DDAH2: variants seen among roughly 807,000 people sequenced by gnomAD.
DDAH2 encodes putative hydrolase DDAH2.
In DDAH2, 8 loss-of-function variants were observed where a neutral mutation model predicts 24.8. The observed-to-expected ratio is 0.32, with a 90% confidence interval of 0.19 to 0.58. The LOEUF is 0.58. DDAH2 is among the 20% of genes least tolerant of loss of function. DDAH2 has a pLI of 0.87. For synonymous variants in DDAH2, 151 were observed against 166.1 expected (o/e 0.91, Z 0.70); for missense variants, 281 against 379.0 (o/e 0.74, Z 2.15).
chr6:31,728,160 G>A lies in DDAH2; in HGVS notation c.591+13C>T. The A allele has an allele frequency of 1.2e-6, 2 of 1,610,066 alleles. No individual in the cohort carries two copies. Among genetic ancestry groups the A allele is most frequent in the Non-Finnish European group, 8.5e-7 (1 of 1,179,680 alleles). ...AACTGCGCCCACTTTCGTTGGCCCC[G>A]CCCCCTCCTCACCCGGACAGCCTTT... is the stretch of plus-strand genomic sequence containing the variant. On this transcript the variant is annotated intron_variant, in intron 4 of 5. Coordinates refer to ENST00000375789, the MANE Select transcript of DDAH2 (RefSeq NM_001303007.2). The surrounding 1 kb of genome is among the most constrained non-coding windows in gnomAD (Gnocchi z 9.8).
chr6:31,728,110 C>T lies in DDAH2; in HGVS notation c.591+63G>A, dbSNP rs1369018194. The T allele has an allele frequency of 4.4e-6, 7 of 1,588,560 alleles. No homozygotes were observed. Among genetic ancestry groups the T allele is most frequent in the Non-Finnish European group, 6.0e-6 (7 of 1,171,320 alleles). On this transcript the variant is annotated intron_variant, in intron 4 of 5. Transcript: ENST00000375789. This position sits in a 1 kb window ranked among gnomAD's most constrained non-coding sequence, Gnocchi z 9.8. ...GGTTAGGGCTAATTTCCTAAGCCTC[C>T]CAGCTCCCGGCCTCCCGGGCCCAGA...
At position 31,729,079 on chromosome 6, in the gene DDAH2, C is replaced by A; in HGVS notation, c.83G>T (p.Gly28Val). The change falls in exon 1 of 6, where the codon GGT becomes GTT. Residue 28 changes from glycine (G) to valine (V), a missense_variant. Coordinates refer to ENST00000375789, the MANE Select transcript of DDAH2 (RefSeq NM_001303007.2). The surrounding 1 kb of genome is among the most constrained non-coding windows in gnomAD (Gnocchi z 6.7). Reference protein sequence around the residue: ...GVPESLASGEGAGAGLPALDL... With the variant: ...GVPESLASGEVAGAGLPALDL... ...CAGAGCGGGAAGGCCAGCCCCCGCA[C>A]CTTCCCCCGACGCCAGGCTCTCTGG... 4 of 1,613,040 alleles carry A rather than the reference C, an allele frequency of 2.5e-6. No individual in the cohort carries two copies. The highest frequency in any genetic ancestry group is 3.4e-6 in the Non-Finnish European group (4 of 1,180,004).
chr6:31,728,126 C>G lies in DDAH2; in HGVS notation c.591+47G>C, dbSNP rs560669734. On this transcript the variant is annotated intron_variant, in intron 4 of 5. Coordinates refer to ENST00000375789, the MANE Select transcript of DDAH2 (RefSeq NM_001303007.2). The surrounding 1 kb of genome is among the most constrained non-coding windows in gnomAD (Gnocchi z 9.8). ...CTAAGCCTCCCAGCTCCCGGCCTCC[C>G]GGGCCCAGAACTGCGCCCACTTTCG... 2.5e-6 allele frequency: 4 copies of G among 1,600,252 alleles called. No homozygotes were observed. Among genetic ancestry groups the G allele is most frequent in the Admixed American group, 3.4e-5 (2 of 58,392 alleles).
chr6:31,727,700 A>G lies in DDAH2; in HGVS notation c.592-8T>C, dbSNP rs1337494557. ...TGTCAGCACTGCCATTGCCTAGAGG[A>G]AAGAGGAAGTGTTCGAGTCTCAGAA... On this transcript the variant is annotated splice_polypyrimidine_tract_variant and splice_region_variant and intron_variant, in intron 4 of 5. Coordinates refer to ENST00000375789, the MANE Select transcript of DDAH2 (RefSeq NM_001303007.2). This position sits in a 1 kb window ranked among gnomAD's most constrained non-coding sequence, Gnocchi z 6.0. 3 of 1,585,630 alleles carry G rather than the reference A, an allele frequency of 1.9e-6. No homozygotes were observed. The highest frequency in any genetic ancestry group is 2.6e-6 in the Non-Finnish European group (3 of 1,165,072).
At position 31,729,077 on chromosome 6, in the gene DDAH2, C is replaced by T. The variant is rs1807641267; in HGVS notation, c.85G>A (p.Ala29Thr). The T allele has an allele frequency of 6.2e-7, 1 of 1,613,066 alleles. No homozygotes were observed. The highest frequency in any genetic ancestry group is 2.2e-5 in the East Asian group (1 of 44,878). Residue 29 changes from alanine to threonine, a missense_variant, in exon 1 of 6, where the codon GCG becomes ACG. By Grantham distance (58) the Ala-to-Thr change is moderately conservative (BLOSUM62 0). Transcript: ENST00000375789. The surrounding 1 kb of genome is among the most constrained non-coding windows in gnomAD (Gnocchi z 6.7). ...VPESLASGEG[A>T]GAGLPALDLA... ...TCCAGAGCGGGAAGGCCAGCCCCCGCACCTTCCCCCGACGCCAGGCTCTCT... is the reference window on the plus strand; with the variant it reads ...TCCAGAGCGGGAAGGCCAGCCCCCGTACCTTCCCCCGACGCCAGGCTCTCT...
In DDAH2 at chr6:31,728,085, G is replaced by A. The variant is rs1807519448; in HGVS notation, c.591+88C>T. 2 of 1,499,732 alleles carry A rather than the reference G, an allele frequency of 1.3e-6. No individual in the cohort carries two copies. The highest frequency in any genetic ancestry group is 1.8e-6 in the Non-Finnish European group (2 of 1,102,196). The allele number at this position is 1,499,732 out of a possible 1,614,324, so 92.9% of individuals were successfully genotyped here. ...AGATGGACAGCCCATTGAGGGCAGGGGTTAGGGCTAATTTCCTAAGCCTCC... is the reference window on the plus strand; with the variant it reads ...AGATGGACAGCCCATTGAGGGCAGGAGTTAGGGCTAATTTCCTAAGCCTCC... On this transcript the variant is annotated intron_variant, in intron 4 of 5. Transcript: ENST00000375789. This position sits in a 1 kb window ranked among gnomAD's most constrained non-coding sequence, Gnocchi z 9.8.
chr6:31,728,460 G>A lies in DDAH2; in HGVS notation c.462C>T (p.Asp154=). The change falls in exon 3 of 6, where the codon GAC becomes GAT. Residue 154 remains aspartate (D), a synonymous_variant. Transcript: ENST00000375789. The surrounding 1 kb of genome is among the most constrained non-coding windows in gnomAD (Gnocchi z 9.8). ...TNHRGAEIVA[D]TFRDFAVSTV... Reference sequence around the variant, plus strand: ...TGGTCCCGCTCCGCACCCGGAACGTGTCCGCCACGATCTCAGCTCCTCGGT... The same window carrying A: ...TGGTCCCGCTCCGCACCCGGAACGTATCCGCCACGATCTCAGCTCCTCGGT... 6.2e-7 allele frequency: 1 copy of A among 1,612,730 alleles called. No homozygotes were observed. Among genetic ancestry groups the A allele is most frequent in the Non-Finnish European group, 8.5e-7 (1 of 1,179,958 alleles).
chr6:31,727,490 T>C lies in DDAH2; in HGVS notation c.741+53A>G. ...CTTCCTTCCTCCCACTAGGAAAGCCTGAAACTCTTTTCTCTGATGGTGCTT... is the reference window on the plus strand; with the variant it reads ...CTTCCTTCCTCCCACTAGGAAAGCCCGAAACTCTTTTCTCTGATGGTGCTT... On this transcript the variant is annotated intron_variant, in intron 5 of 5. Transcript: ENST00000375789. This position sits in a 1 kb window ranked among gnomAD's most constrained non-coding sequence, Gnocchi z 6.0. 1 of 1,612,540 alleles carries C rather than the reference T, an allele frequency of 6.2e-7. No homozygotes were observed. Among genetic ancestry groups the C allele is most frequent in the Non-Finnish European group, 8.5e-7 (1 of 1,179,690 alleles).
At position 31,729,044 on chromosome 6, in the gene DDAH2, T is replaced by C; in HGVS notation, c.118A>G (p.Lys40Glu). 6.2e-7 allele frequency: 1 copy of C among 1,613,050 alleles called. No individual in the cohort carries two copies. Among genetic ancestry groups the C allele is most frequent in the East Asian group, 2.2e-5 (1 of 44,872 alleles). The change falls in exon 1 of 6, where the codon AAA (lysine) becomes GAA (glutamate). Residue 40 changes from lysine (K) to glutamate (E), a missense_variant. Lys to Glu is a moderately conservative substitution (Grantham distance 56). Coordinates refer to ENST00000375789, the MANE Select transcript of DDAH2 (RefSeq NM_001303007.2). The surrounding 1 kb of genome is among the most constrained non-coding windows in gnomAD (Gnocchi z 6.7). The stretch of plus-strand genomic sequence containing the variant: ...AGCACCCCGTGCTCCCTTTGAGCTT[T>C]GGCCAGATCCAGAGCGGGAAGGCCA... ...GAGLPALDLA[K>E]AQREHGVLGG...
chr6:31,728,416 A>C lies in DDAH2; in HGVS notation c.471+35T>G. On this transcript the variant is annotated intron_variant, in intron 3 of 5. Coordinates refer to ENST00000375789, the MANE Select transcript of DDAH2 (RefSeq NM_001303007.2). The surrounding 1 kb of genome is among the most constrained non-coding windows in gnomAD (Gnocchi z 9.8). ...CCAGGCCCTTCCGACCCCCACCTGC[A>C]CCCCCTCCCTCCCTAGGCTGGTCCC... The C allele has an allele frequency of 1.2e-6, 2 of 1,603,256 alleles. No homozygotes were observed. Among genetic ancestry groups the C allele is most frequent in the East Asian group, 2.2e-5 (1 of 44,670 alleles).
Position 31,727,208 on chromosome 6 carries a change from C to G in DDAH2, c.*29G>C. ...TTCTACTTCCTATACTATCCTACCC[C>G]TGGCCAGCAGTACCCCAAGGCCAGG... On this transcript the variant is annotated 3_prime_UTR_variant, in exon 6 of 6. Coordinates refer to ENST00000375789, the MANE Select transcript of DDAH2 (RefSeq NM_001303007.2). The surrounding 1 kb of genome is among the most constrained non-coding windows in gnomAD (Gnocchi z 6.0). The G allele has an allele frequency of 6.5e-7, 1 of 1,546,468 alleles. No individual in the cohort carries two copies. The highest frequency in any genetic ancestry group is 8.9e-7 in the Non-Finnish European group (1 of 1,120,162).
chr6:31,728,856 G>C lies in DDAH2; in HGVS notation c.297+9C>G. On this transcript the variant is annotated intron_variant, in intron 1 of 5. Transcript: ENST00000375789. The surrounding 1 kb of genome is among the most constrained non-coding windows in gnomAD (Gnocchi z 9.8). Reference sequence around the variant, plus strand: ...TTTCCCCATACCACACCCGCGCCACGGCGCTCACCTCTGGCCTACGAGCGG... The same window carrying C: ...TTTCCCCATACCACACCCGCGCCACCGCGCTCACCTCTGGCCTACGAGCGG... The C allele has an allele frequency of 6.2e-7, 1 of 1,611,548 alleles. No homozygotes were observed. The highest frequency in any genetic ancestry group is 8.5e-7 in the Non-Finnish European group (1 of 1,179,178).
Position 31,727,824 on chromosome 6 carries a change from A to G in DDAH2, c.592-132T>C, listed in dbSNP as rs2151305836. On this transcript the variant is annotated intron_variant, in intron 4 of 5. Coordinates refer to ENST00000375789, the MANE Select transcript of DDAH2 (RefSeq NM_001303007.2). The surrounding 1 kb of genome is among the most constrained non-coding windows in gnomAD (Gnocchi z 6.0). ...TGACAGCAAGCACATAGAGCTTACG[A>G]TATGTCAGACACTAAGTACTTTAGT... 1 of 1,029,898 alleles carries G rather than the reference A, an allele frequency of 9.7e-7. No individual in the cohort carries two copies. 63.8% of individuals were successfully genotyped at this position (1,029,898 alleles called of 1,614,324 possible).
upstream of DDAH2, chr6:31,729,985 G>C (rs1383913945): frequency 6.6e-6 from 1 of 152,424 alleles, no homozygotes; most frequent in African/African-American, 2.4e-5. The surrounding 1 kb of genome is among the most constrained non-coding windows in gnomAD (Gnocchi z 6.7). Flanking sequence ...GTCTGGTGCA[G>C]GCATGGGCCC....
At position 31,728,991 on chromosome 6, in the gene DDAH2, C is replaced by T. The variant is rs1233093937; in HGVS notation, c.171G>A (p.Gly57=). The T allele has an allele frequency of 6.2e-7, 1 of 1,613,086 alleles. No individual in the cohort carries two copies. Among genetic ancestry groups the T allele is most frequent in the South Asian group, 1.1e-5 (1 of 91,082 alleles). The change falls in exon 1 of 6, where the codon GGG becomes GGA. Residue 57 remains glycine, a synonymous_variant. Transcript: ENST00000375789. The surrounding 1 kb of genome is among the most constrained non-coding windows in gnomAD (Gnocchi z 9.8). ...CAGGTGGCAGTTCTAGCAGCTGTAG[C>T]CCCAGTCGTTGCCTCAGTTTACCTC... is the stretch of plus-strand genomic sequence containing the variant. ...VLGGKLRQRL[G]LQLLELPPEE...
In DDAH2 at chr6:31,727,669, G is replaced by A. The variant is rs188475802; in HGVS notation, c.615C>T (p.His205=). The change falls in exon 5 of 6, where the codon CAC becomes CAT. Residue 205 remains histidine (H), a synonymous_variant. Transcript: ENST00000375789. The surrounding 1 kb of genome is among the most constrained non-coding windows in gnomAD (Gnocchi z 6.0). ...AVRAMAVLTD[H]PYASLTLPDD... Reference sequence around the variant, plus strand: ...CTGGGAGGGTCAGGGAGGCATATGGGTGATCTGTCAGCACTGCCATTGCCT... The same window carrying A: ...CTGGGAGGGTCAGGGAGGCATATGGATGATCTGTCAGCACTGCCATTGCCT... 5.4e-5 allele frequency: 87 copies of A among 1,609,950 alleles called. 1 individual carries two copies. In the Admixed American group the frequency reaches 8.7e-4, roughly 16 times the overall value.
chr6:31,728,785 C>CA lies in DDAH2; in HGVS notation c.298-41dup. 1.2e-6 allele frequency: 2 copies of CA among 1,611,578 alleles called. No homozygotes were observed. The highest frequency in any genetic ancestry group is 1.7e-6 in the Non-Finnish European group (2 of 1,179,194). On this transcript the variant is annotated intron_variant, in intron 1 of 5. Coordinates refer to ENST00000375789, the MANE Select transcript of DDAH2 (RefSeq NM_001303007.2). The surrounding 1 kb of genome is among the most constrained non-coding windows in gnomAD (Gnocchi z 9.8). ...AGAGGGCACGGAGCTGTGACACCCC[C>CA]ATCCTCAATTCTTCCCCAAAGCCCC...
rs1807506631 is a variant in DDAH2, at chr6:31,727,930, AC to A, written c.592-239del. Among the ~76,000 whole-genome samples the A allele has an allele frequency of 6.6e-6, 1 of 151,948 alleles. No individual in the cohort carries two copies. The highest frequency in any genetic ancestry group is 1.9e-4 in the East Asian group (1 of 5,180). ...TTCCCCAGCCCCTCCTATCTGTCCT[AC>A]CCATCCTTAGAGTCACAGTTTAGGT... On this transcript the variant is annotated intron_variant, in intron 4 of 5. Transcript: ENST00000375789. This position sits in a 1 kb window ranked among gnomAD's most constrained non-coding sequence, Gnocchi z 6.0.
upstream of DDAH2, chr6:31,729,532 T>A (rs1178855193): frequency 3.6e-6 from 1 of 275,372 alleles, no homozygotes; most frequent in Non-Finnish European, 6.9e-6. The surrounding 1 kb of genome is among the most constrained non-coding windows in gnomAD (Gnocchi z 6.7). Context: ...TAGGATGCGC[T>A]CACTCCCCAA....
Sources: allele counts gnomAD v4.1 joint callset (sites outside exome capture counted in the v4.1 genomes callset), GRCh38; gene constraint gnomAD v4.1.1; non-coding constraint Gnocchi (gnomAD v3.1); transcripts MANE v1.5; gene names NCBI Gene and HGNC (gene_info 2026-07-23, HGNC 2026-07-21).